Variants in ESCO1 observed in about 807,000 individuals in gnomAD.
The protein encoded by ESCO1 is N-acetyltransferase ESCO1.
A neutral mutation model predicts 83.5 loss-of-function variants in ESCO1; 33 were observed. That is an observed-to-expected ratio of 0.40 (90% CI 0.30 to 0.53). ESCO1 has a LOEUF of 0.53. ESCO1 is among the 20% of genes least tolerant of loss of function. The probability of loss-of-function intolerance (pLI) is 0.63; values close to 1 mark genes in which losing one functional copy is unlikely to be tolerated. For missense variants in ESCO1, 855 were observed against 968.0 expected (o/e 0.88, Z 1.55); for synonymous variants, 332 against 324.3 (o/e 1.02, Z -0.25).
At chr18:21,572,728 G>A (rs969487264) in intron 4 of ESCO1, among the ~76,000 whole-genome samples, 3 of 152,146 alleles carry the variant, frequency 2.0e-5, no homozygotes, top group Non-Finnish European at 2.9e-5. Flanking sequence ...ACTTTGGGAG[G>A]CCGAGGTGGA....
intron 1 of ESCO1, among the ~76,000 whole-genome samples, chr18:21,585,624 C>T (rs969779834): frequency 3.3e-5 from 5 of 152,188 alleles, no homozygotes; most frequent in Middle Eastern, 6.8e-3. Context: ...AACTTTGCTA[C>T]TCTTTTTCTT....
At chr18:21,544,329 G>A (rs952281914) in intron 8 of ESCO1, among the ~76,000 whole-genome samples, 1 of 150,334 alleles carries the variant, frequency 6.7e-6, no homozygotes, top group African/African-American at 2.4e-5. Flanking sequence ...TTTAGAGGTG[G>A]GGCATGGTGG....
chr18:21,584,346 G>C lies in ESCO1; in HGVS notation c.-730C>G, dbSNP rs2038544048. On this transcript the variant is annotated 5_prime_UTR_variant, in exon 2 of 12. The change creates a new upstream start codon in the 5' untranslated region. Coordinates refer to ENST00000269214, the MANE Select transcript of ESCO1 (RefSeq NM_052911.3). ...AATATATCACCTTTTTCTTCAAGTT[G>C]ATTGATGAATGATGCTTCTGATGAA... The C allele has an allele frequency of 6.6e-6, 1 of 150,818 alleles. No individual in the cohort carries two copies. Among genetic ancestry groups the C allele is most frequent in the African/African-American group, 2.4e-5 (1 of 41,018 alleles). The allele number at this position is 150,818 out of a possible 1,614,324, so 9.3% of individuals were successfully genotyped here.
At chr18:21,583,175 C>T (rs1355984611) in intron 2 of ESCO1, among the ~76,000 whole-genome samples, 1 of 151,950 alleles carries the variant, frequency 6.6e-6, no homozygotes, top group African/African-American at 2.4e-5. Context: ...GAGCGAGACT[C>T]TGTCTCAAAA....
At chr18:21,594,577 G>A (rs1382531602) in intron 1 of ESCO1, among the ~76,000 whole-genome samples, 3 of 152,024 alleles carry the variant, frequency 2.0e-5, no homozygotes, top group East Asian at 3.9e-4. Context: ...GGTGGTGGGC[G>A]CCTGTAGTCC....
In ESCO1 at chr18:21,530,340, G is replaced by A. The variant is rs762859011; in HGVS notation, c.*3C>T. 6.3e-7 allele frequency: 1 copy of A among 1,578,190 alleles called. No individual in the cohort carries two copies. Among genetic ancestry groups the A allele is most frequent in the Admixed American group, 1.9e-5 (1 of 53,894 alleles). On this transcript the variant is annotated 3_prime_UTR_variant, in exon 12 of 12. Transcript: ENST00000269214. ...CTTCTAGTGGTGTAGGCAAGAATTT[G>A]TTTTACGTGCTATTCTGTCCATTAA...
intron 6 of ESCO1, among the ~76,000 whole-genome samples, chr18:21,565,054 G>C (rs559270261): frequency 6.6e-6 from 1 of 151,862 alleles, no homozygotes; most frequent in Non-Finnish European, 1.5e-5. Flanking sequence ...CCAGCCTGGC[G>C]ACAGAGCGAG....
In ESCO1 at chr18:21,561,004, A is replaced by G; in HGVS notation, c.1822-14T>C. On this transcript the variant is annotated splice_polypyrimidine_tract_variant and intron_variant, in intron 7 of 11. Transcript: ENST00000269214. ...TTGTCCTGCATCCTATTTACAAAAAACACACAAAAGTTTTTTTCCTCCCAA... is the reference window on the plus strand; with the variant it reads ...TTGTCCTGCATCCTATTTACAAAAAGCACACAAAAGTTTTTTTCCTCCCAA... 1.3e-6 allele frequency: 2 copies of G among 1,573,880 alleles called. No individual in the cohort carries two copies. Among genetic ancestry groups the G allele is most frequent in the South Asian group, 2.4e-5 (2 of 82,504 alleles).
At chr18:21,530,514 G>T in intron 11 of ESCO1, 24 bp from the exon 12 acceptor site, 4 of 1,383,222 alleles carry the variant, frequency 2.9e-6, no homozygotes, top group South Asian at 1.3e-5. Context: ...ATGGGGGGGG[G>T]GAAGGGTTAA....
chr18:21,570,977 A>C (rs79651345), intron 4 of ESCO1, among the ~76,000 whole-genome samples: 2 of 146,344 alleles, frequency 1.4e-5, no homozygotes, highest in South Asian at 4.3e-4. Flanking sequence ...CTTCATCTCA[A>C]AAAAAAAAAA....
chr18:21,597,460 G>A (rs1218706962), intron 1 of ESCO1, among the ~76,000 whole-genome samples: 1 of 150,492 alleles, frequency 6.6e-6, no homozygotes, highest in Admixed American at 6.6e-5. Flanking sequence ...AAGAGCTCAA[G>A]GCCAGCCTGG....
At chr18:21,579,800 A>AGTG (rs1568109900) in intron 2 of ESCO1, among the ~76,000 whole-genome samples, 482 of 36,832 alleles carry the variant, frequency 0.013, 7 homozygotes, top group African/African-American at 0.029. Flanking sequence ...GCGCGCACAC[A>AGTG]CACACACACA....
chr18:21,591,575 T>G (rs1425720187), intron 1 of ESCO1, among the ~76,000 whole-genome samples: 1 of 152,188 alleles, frequency 6.6e-6, no homozygotes, highest in Non-Finnish European at 1.5e-5. Context: ...TTCCTACTGA[T>G]CACCAGAAAT....
intron 8 of ESCO1, among the ~76,000 whole-genome samples, chr18:21,553,677 G>C (rs1377023932): frequency 1.3e-5 from 2 of 151,772 alleles, no homozygotes; most frequent in African/African-American, 4.8e-5. Flanking sequence ...GACCAACATG[G>C]AGAAACCCTG....
At chr18:21,542,612 C>A (rs1482057169) in intron 8 of ESCO1, among the ~76,000 whole-genome samples, 1 of 152,180 alleles carries the variant, frequency 6.6e-6, no homozygotes, top group African/African-American at 2.4e-5. Flanking sequence ...TCCCTTCTTA[C>A]TAGTATCAAA....
chr18:21,574,699 C>T lies in ESCO1; in HGVS notation c.145G>A (p.Ala49Thr), dbSNP rs777737659. 3.7e-6 allele frequency: 6 copies of T among 1,613,284 alleles called. No homozygotes were observed. The highest frequency in any genetic ancestry group is 2.2e-5 in the East Asian group (1 of 44,864). The change falls in exon 4 of 12, where the codon GCT becomes ACT. Residue 49 changes from alanine to threonine, a missense_variant. Ala to Thr is a moderately conservative substitution (Grantham distance 58). Coordinates refer to ENST00000269214, the MANE Select transcript of ESCO1 (RefSeq NM_052911.3). ...SGPKETIKSQ[A>T]KSSSESKINQ... Reference sequence around the variant, plus strand: ...ATTTTACTTTCACTGGAAGATTTAGCCTGTGATTTTATAGTCTCCTTTGGA... The same window carrying T: ...ATTTTACTTTCACTGGAAGATTTAGTCTGTGATTTTATAGTCTCCTTTGGA...
At chr18:21,568,264 G>A (rs761717842) in intron 4 of ESCO1, among the ~76,000 whole-genome samples, 170 bp from the exon 5 acceptor site, 3 of 151,842 alleles carry the variant, frequency 2.0e-5, no homozygotes, top group Non-Finnish European at 4.4e-5. Flanking sequence ...TCACCATCAG[G>A]GCCCATTATT....
intron 8 of ESCO1, among the ~76,000 whole-genome samples, chr18:21,554,496 G>T (rs1294322257): frequency 6.6e-6 from 1 of 152,176 alleles, no homozygotes; most frequent in African/African-American, 2.4e-5. Context: ...GCCCAGCTCA[G>T]TGGCTCATGC....
At chr18:21,580,052 C>T (rs1176359651) in intron 2 of ESCO1, among the ~76,000 whole-genome samples, 7 of 151,580 alleles carry the variant, frequency 4.6e-5, no homozygotes, top group African/African-American at 1.7e-4. Flanking sequence ...CGCACCACCA[C>T]ACCCAGCCAA....
Sources: allele counts gnomAD v4.1 joint callset (sites outside exome capture counted in the v4.1 genomes callset), GRCh38; gene constraint gnomAD v4.1.1; transcripts MANE v1.5; gene names NCBI Gene and HGNC (gene_info 2026-07-23, HGNC 2026-07-21).